Variants in NRP1 observed in about 807,000 individuals in gnomAD.
The protein encoded by NRP1 is neuropilin-1.
Under a neutral mutation model 106.7 loss-of-function variants are expected in NRP1, and 35 were observed. That is an observed-to-expected ratio of 0.33 (90% CI 0.25 to 0.43). The LOEUF is 0.43. NRP1 is among the 20% of genes least tolerant of loss of function. The pLI is 1.00. For synonymous variants in NRP1, 437 were observed against 417.9 expected (o/e 1.05, Z -0.56); for missense variants, 1,024 against 1,170.4 (o/e 0.87, Z 1.83).
chr10:33,290,898 A>G (rs1166195446), intron 2 of NRP1, among the ~76,000 whole-genome samples: 3 of 152,130 alleles, frequency 2.0e-5, no homozygotes, highest in Non-Finnish European at 4.4e-5. Context: ...ACGGCATCTC[A>G]CCTAATAATT....
intron 2 of NRP1, among the ~76,000 whole-genome samples, chr10:33,287,755 C>T (rs1310823917): frequency 6.6e-6 from 1 of 152,164 alleles, no homozygotes; most frequent in African/African-American, 2.4e-5. Context: ...ATGGCATAGA[C>T]AGAGTCAATG....
chr10:33,317,737 G>A (rs183236845), intron 2 of NRP1, among the ~76,000 whole-genome samples: 83 of 152,280 alleles, frequency 5.5e-4, no homozygotes, highest in Non-Finnish European at 7.6e-4. Flanking sequence ...CATCAAGTTC[G>A]TGACACTGAA....
In NRP1 at chr10:33,186,284, A is replaced by G. The variant is rs772069753; in HGVS notation, c.2267T>C (p.Ile756Thr). ...EEYDQLVWMA[I>T]GHQGDHWKEG... ...CTTCCAGTGGTCACCTTGGTGTCCA[A>G]TGGCCATCCAGACCAGCTGATCGTA... Residue 756 changes from isoleucine (I) to threonine (T), a missense_variant, in exon 14 of 17, where the codon ATT becomes ACT. Coordinates refer to ENST00000374867, the MANE Select transcript of NRP1 (RefSeq NM_003873.7). The G allele has an allele frequency of 4.7e-5, 76 of 1,613,984 alleles. No individual in the cohort carries two copies. The highest frequency in any genetic ancestry group is 7.7e-5 in the South Asian group (7 of 91,078).
chr10:33,242,161 G>T (rs1023405525), intron 6 of NRP1, among the ~76,000 whole-genome samples: 2 of 152,104 alleles, frequency 1.3e-5, no homozygotes, highest in African/African-American at 4.8e-5. Context: ...AGAAGACACA[G>T]GGCTGTCCAG....
At chr10:33,304,959 T>A (rs541298993) in intron 2 of NRP1, among the ~76,000 whole-genome samples, 1 of 152,358 alleles carries the variant, frequency 6.6e-6, no homozygotes, top group South Asian at 2.1e-4. Context: ...ATGTAAACAG[T>A]CCAATCGATT....
intron 6 of NRP1, among the ~76,000 whole-genome samples, chr10:33,252,007 C>G (rs1272365192): frequency 6.6e-6 from 1 of 152,108 alleles, no homozygotes; most frequent in East Asian, 1.9e-4. Flanking sequence ...TTGCATTTTC[C>G]AAGACCACCA....
chr10:33,265,294 T>A (rs1475430614), intron 3 of NRP1, among the ~76,000 whole-genome samples: 2 of 152,214 alleles, frequency 1.3e-5, no homozygotes, highest in Admixed American at 6.5e-5. Flanking sequence ...CAGGATCAAA[T>A]CTGGGGGTGT....
At chr10:33,255,841 T>G (rs557181374) in intron 5 of NRP1, among the ~76,000 whole-genome samples, 1 of 152,160 alleles carries the variant, frequency 6.6e-6, no homozygotes, top group South Asian at 2.1e-4. Flanking sequence ...TTAGCTGAGT[T>G]TTTTCATAGA....
chr10:33,230,044 A>C (rs1839981705), intron 6 of NRP1, among the ~76,000 whole-genome samples: 2 of 152,070 alleles, frequency 1.3e-5, no homozygotes, highest in Admixed American at 1.3e-4. Flanking sequence ...ACTGCAACTA[A>C]AACCGGATAG....
chr10:33,328,615 C>T (rs928949855), intron 2 of NRP1, among the ~76,000 whole-genome samples: 1 of 152,142 alleles, frequency 6.6e-6, no homozygotes, highest in African/African-American at 2.4e-5. Flanking sequence ...AATTTCTACT[C>T]CAGTTGTGTG....
chr10:33,259,999 C>A (rs1393197528), intron 4 of NRP1, among the ~76,000 whole-genome samples: 1 of 152,092 alleles, frequency 6.6e-6, no homozygotes, highest in Non-Finnish European at 1.5e-5. Flanking sequence ...GGACTCTAGG[C>A]TCATGCCACT....
In NRP1 at chr10:33,213,505, T is replaced by C. The variant is rs758389396; in HGVS notation, c.1495A>G (p.Ile499Val). The change falls in exon 9 of 17, where the codon ATC (isoleucine) becomes GTC (valine). Residue 499 changes from isoleucine (I) to valine (V), a missense_variant. By Grantham distance (29) the Ile-to-Val change is conservative. Coordinates refer to ENST00000374867, the MANE Select transcript of NRP1 (RefSeq NM_003873.7). ...TCTCGGTGCTTCCCACCCTGAATGA[T>C]GATGCCCCTCACGATCTTCTCCTCC... Reference protein sequence around the residue: ...LGEEKIVRGIIIQGGKHRENK... With the variant: ...LGEEKIVRGIVIQGGKHRENK... 6.2e-7 allele frequency: 1 copy of C among 1,614,074 alleles called. No individual in the cohort carries two copies. Among genetic ancestry groups the C allele is most frequent in the South Asian group, 1.1e-5 (1 of 91,072 alleles).
chr10:33,282,885 A>G (rs1294429037), intron 2 of NRP1, among the ~76,000 whole-genome samples: 2 of 152,122 alleles, frequency 1.3e-5, no homozygotes, highest in Non-Finnish European at 2.9e-5. Flanking sequence ...AGCTGGGACC[A>G]CAGGTGCCCA....
At chr10:33,313,667 A>G (rs185490292) in intron 2 of NRP1, among the ~76,000 whole-genome samples, 1 of 152,324 alleles carries the variant, frequency 6.6e-6, no homozygotes, top group Admixed American at 6.5e-5. Flanking sequence ...GAAAGTCTCA[A>G]TACTTGAGCT....
intron 6 of NRP1, among the ~76,000 whole-genome samples, chr10:33,250,284 GA>G (rs1350410427): frequency 6.6e-6 from 1 of 152,090 alleles, no homozygotes; most frequent in African/African-American, 2.4e-5. Flanking sequence ...AGAAAAGCTG[GA>G]AACACATGAA....
intron 15 of NRP1, 38 bp downstream of exon 15, chr10:33,185,590 C>A: frequency 6.8e-7 from 1 of 1,478,822 alleles, no homozygotes; most frequent in Non-Finnish European, 9.4e-7. Context: ...TTGCCCTGGG[C>A]AAGCACTCCA....
intron 2 of NRP1, among the ~76,000 whole-genome samples, chr10:33,320,618 T>C (rs1847430806): frequency 6.6e-6 from 1 of 152,218 alleles, no homozygotes. Flanking sequence ...TTTTTGCTGA[T>C]CTCTTCTCCA....
At chr10:33,198,116 A>T in intron 11 of NRP1, among the ~76,000 whole-genome samples, 8 of 125,536 alleles carry the variant, frequency 6.4e-5, no homozygotes, top group African/African-American at 1.2e-4. Flanking sequence ...CTAATCTCTT[A>T]GCAATTTTCT....
chr10:33,183,416 G>A (rs894959809), intron 15 of NRP1, among the ~76,000 whole-genome samples: 5 of 151,974 alleles, frequency 3.3e-5, no homozygotes, highest in Non-Finnish European at 4.4e-5. Context: ...GTGAATATAG[G>A]TTCTACTGAA....
Sources: allele counts gnomAD v4.1 joint callset (sites outside exome capture counted in the v4.1 genomes callset), GRCh38; gene constraint gnomAD v4.1.1; transcripts MANE v1.5; gene names NCBI Gene and HGNC (gene_info 2026-07-23, HGNC 2026-07-21).